Variants in RPAP3 observed in about 807,000 individuals in gnomAD.
RPAP3 encodes RNA polymerase II associated protein 3.
A neutral mutation model predicts 88.8 loss-of-function variants in RPAP3; 58 were observed. That is an observed-to-expected ratio of 0.65 (90% CI 0.53 to 0.81). The LOEUF (loss-of-function observed/expected upper bound fraction) is 0.81, where lower values mean the gene tolerates loss of function less well. RPAP3 is among the 40% of genes least tolerant of loss of function. RPAP3 has a pLI of 0.00. For missense variants in RPAP3, 751 were observed against 764.3 expected, an observed-to-expected ratio of 0.98 and a Z score of 0.20; for synonymous variants, 255 against 259.9, an observed-to-expected ratio of 0.98 and a Z score of 0.18.
intron 12 of RPAP3, among the ~76,000 whole-genome samples, chr12:47,678,885 A>C (rs1484806421): frequency 1.3e-5 from 2 of 152,184 alleles, no homozygotes; most frequent in African/African-American, 2.4e-5. Flanking sequence ...TTGACCCAGC[A>C]ATCCCATTAC....
chr12:47,687,590 A>C (rs910096689), intron 8 of RPAP3, among the ~76,000 whole-genome samples: 6 of 152,158 alleles, frequency 3.9e-5, no homozygotes, highest in Admixed American at 3.3e-4. Flanking sequence ...ATTGTAATTA[A>C]CTTCTATGTT....
chr12:47,669,508 T>C (rs909528970), intron 13 of RPAP3, among the ~76,000 whole-genome samples: 2 of 152,134 alleles, frequency 1.3e-5, no homozygotes, highest in South Asian at 2.1e-4. Context: ...TGTCCCATGA[T>C]CTATACTATC....
intron 9 of RPAP3, among the ~76,000 whole-genome samples, chr12:47,684,692 A>T (rs1163109685): frequency 6.6e-6 from 1 of 152,246 alleles, no homozygotes. Flanking sequence ...TATCTTATAA[A>T]TGCATATATA....
In RPAP3 at chr12:47,662,677, A is replaced by G. The variant is rs777414538; in HGVS notation, c.*828T>C. 2 of 152,240 alleles carry G rather than the reference A, an allele frequency of 1.3e-5. No individual in the cohort carries two copies. Among genetic ancestry groups the G allele is most frequent in the Admixed American group, 6.5e-5 (1 of 15,286 alleles). 9.4% of individuals were successfully genotyped at this position (152,240 alleles called of 1,614,324 possible). A position where few individuals can be genotyped will look rare whatever the true frequency, so the allele number is the denominator to read the frequency against. ...CTTGCGTCAAATTCAATTAAATTTT[A>G]TAAGTATCAGTTGAGCACCTAACTA... On this transcript the variant is annotated 3_prime_UTR_variant, in exon 17 of 17. Transcript: ENST00000005386.
At chr12:47,691,309 C>G (rs1199645430) in intron 5 of RPAP3, among the ~76,000 whole-genome samples, 2 of 152,184 alleles carry the variant, frequency 1.3e-5, no homozygotes, top group African/African-American at 4.8e-5. Context: ...TAAGAATCAA[C>G]TGACCATCCA....
chr12:47,679,192 G>A (rs868442975), intron 12 of RPAP3, among the ~76,000 whole-genome samples: 3 of 152,264 alleles, frequency 2.0e-5, no homozygotes, highest in Middle Eastern at 3.4e-3. Flanking sequence ...GGTGGGAACT[G>A]AACAATGAGA....
rs1032160647 is a variant in RPAP3, at chr12:47,675,899, T to C, written c.1287+3594A>G. Reference sequence around the variant, plus strand: ...TCAGCTCTGCAACAAGCAGACCTAATAGACATCTACAGAACTCTCCACCCT... The same window carrying C: ...TCAGCTCTGCAACAAGCAGACCTAACAGACATCTACAGAACTCTCCACCCT... On this transcript the variant is annotated intron_variant, in intron 12 of 16. Transcript: ENST00000005386. 1.6e-4 allele frequency among the ~76,000 whole-genome samples: 24 copies of C among 152,150 alleles called. 1 individual carries two copies. The highest frequency in any genetic ancestry group is 5.2e-4 in the Admixed American group (8 of 15,276).
chr12:47,669,657 A>G (rs1012311278), intron 13 of RPAP3, among the ~76,000 whole-genome samples: 1 of 152,196 alleles, frequency 6.6e-6, no homozygotes, highest in African/African-American at 2.4e-5. Flanking sequence ...TATATCTTCT[A>G]TATTCTCATT....
At chr12:47,669,520 C>G (rs1938953643) in intron 13 of RPAP3, among the ~76,000 whole-genome samples, 1 of 152,066 alleles carries the variant, frequency 6.6e-6, no homozygotes, top group South Asian at 2.1e-4. Context: ...TATACTATCA[C>G]TTTAAATAAA....
At chr12:47,667,671 T>A in intron 15 of RPAP3, 83 bp downstream of exon 15, 1 of 715,098 alleles carries the variant, frequency 1.4e-6, no homozygotes, top group African/African-American at 1.8e-5. Context: ...TCTTAATCAT[T>A]TTAATTAAAA....
chr12:47,702,878 A>C (rs764616781), intron 1 of RPAP3, 32 bp from the exon 2 acceptor site: 1 of 1,555,606 alleles, frequency 6.4e-7, no homozygotes, highest in Non-Finnish European at 8.7e-7. Flanking sequence ...ACCTCTGATA[A>C]GAATAGGCCT....
At chr12:47,681,079 ACTAACTACCCCAAATTTGCAC>A (rs1939214224) in intron 10 of RPAP3, among the ~76,000 whole-genome samples, 2 of 148,684 alleles carry the variant, frequency 1.3e-5, no homozygotes, top group South Asian at 4.3e-4. Flanking sequence ...ACCAAGTTCT[ACTAACTACCCCAAATTTGCAC>A]CTGCAATCCC....
chr12:47,661,922 T>A lies in RPAP3; in HGVS notation c.*1583A>T, dbSNP rs1233042. On this transcript the variant is annotated 3_prime_UTR_variant, in exon 17 of 17. Transcript: ENST00000005386. ...CCATTCGGGTTGCTATAATAAAATATCAAACTGGGTAGCTTACATTAATAA... is the reference window on the plus strand; with the variant it reads ...CCATTCGGGTTGCTATAATAAAATAACAAACTGGGTAGCTTACATTAATAA... 28,961 of 152,216 alleles carry A rather than the reference T, an allele frequency of 0.19. 3,380 individuals carry two copies. Among genetic ancestry groups the A allele is most frequent in the East Asian group, 0.38 (1,977 of 5,190 alleles). 9.4% of individuals were successfully genotyped at this position (152,216 alleles called of 1,614,324 possible). A position where few individuals can be genotyped will look rare whatever the true frequency, so the allele number is the denominator to read the frequency against.
chr12:47,704,500 C>G (rs1421948872), intron 1 of RPAP3, among the ~76,000 whole-genome samples: 2 of 151,638 alleles, frequency 1.3e-5, no homozygotes, highest in Non-Finnish European at 2.9e-5. Context: ...TCCCGAGCAG[C>G]TGGGATTACA....
chr12:47,664,687 A>T (rs1938831496), intron 16 of RPAP3: 1 of 152,248 alleles, frequency 6.6e-6, no homozygotes, highest in African/African-American at 2.4e-5. Context: ...GCCAGTCTGA[A>T]GAGCCCACCT....
Position 47,663,306 on chromosome 12 carries a change from T to A in RPAP3, c.*199A>T. The stretch of plus-strand genomic sequence containing the variant: ...TACAAATGTATCTCATTGTTTATAT[T>A]TTTATTTTCAGAAAAACAGAGTTCA... On this transcript the variant is annotated 3_prime_UTR_variant, in exon 17 of 17. Transcript: ENST00000005386. 1 of 427,882 alleles carries A rather than the reference T, an allele frequency of 2.3e-6. No homozygotes were observed. Among genetic ancestry groups the A allele is most frequent in the Admixed American group, 4.4e-5 (1 of 22,984 alleles). 26.5% of individuals were successfully genotyped at this position (427,882 alleles called of 1,614,324 possible). A position where few individuals can be genotyped will look rare whatever the true frequency, so the allele number is the denominator to read the frequency against.
chr12:47,691,847 G>A (rs1174059686), intron 5 of RPAP3, among the ~76,000 whole-genome samples: 2 of 151,856 alleles, frequency 1.3e-5, no homozygotes, highest in East Asian at 1.9e-4. Flanking sequence ...CCGGGTTCAC[G>A]CCATTCTCCT....
At chr12:47,698,627 C>A (rs1939584545) in intron 3 of RPAP3, among the ~76,000 whole-genome samples, 1 of 152,160 alleles carries the variant, frequency 6.6e-6, no homozygotes, top group Admixed American at 6.5e-5. Flanking sequence ...CATCTTCCCA[C>A]CTCGCTCTCC....
chr12:47,702,730 T>A lies in RPAP3; in HGVS notation c.111A>T (p.Gln37His). ...DLENWEKDIK[Q>H]KDMELRRQNG... Reference sequence around the variant, plus strand: ...TCTGTCTTCTTAGTTCCATATCCTTTTGTTTAATGTCTTTTTCCCAGTTTT... The same window carrying A: ...TCTGTCTTCTTAGTTCCATATCCTTATGTTTAATGTCTTTTTCCCAGTTTT... The change falls in exon 2 of 17, where the codon CAA becomes CAT. Residue 37 changes from glutamine (Q) to histidine (H), a missense_variant. Transcript: ENST00000005386. The A allele has an allele frequency of 6.2e-7, 1 of 1,612,286 alleles. No homozygotes were observed. Among genetic ancestry groups the A allele is most frequent in the Non-Finnish European group, 8.5e-7 (1 of 1,178,962 alleles).
Sources: gnomAD v4.1 joint callset for allele counts (sites outside exome capture counted in the v4.1 genomes callset) on GRCh38, gnomAD v4.1.1 for gene constraint, MANE v1.5 for transcripts, NCBI Gene and HGNC (gene_info 2026-07-23, HGNC 2026-07-21) for gene names.